Variants in FAM193B observed in about 807,000 individuals in gnomAD.
The protein encoded by FAM193B is protein FAM193B.
FAM193B carries 27 observed loss-of-function variants against 70.7 expected under a neutral mutation model. The ratio of observed to expected loss-of-function variants is 0.38; its 90% CI spans 0.28 to 0.53. FAM193B has a LOEUF of 0.53. Ranked by LOEUF, FAM193B falls within the 20% of genes least tolerant of loss-of-function variation. The probability of loss-of-function intolerance (pLI) is 0.81; values close to 1 mark genes in which losing one functional copy is unlikely to be tolerated. For synonymous variants in FAM193B, 448 were observed against 436.0 expected (o/e 1.03, Z -0.34); for missense variants, 1,022 against 1,072.5 (o/e 0.95, Z 0.66).
chr5:177,543,148 G>A lies in FAM193B; in HGVS notation c.211-4001C>T, dbSNP rs530206144. Among the ~76,000 whole-genome samples, 4 of 152,214 alleles carry A rather than the reference G, an allele frequency of 2.6e-5. No individual in the cohort carries two copies. The South Asian group carries it at 6.2e-4, about 24-fold the overall frequency. On this transcript the variant is annotated intron_variant, in intron 1 of 8. Transcript: ENST00000514747. ...TTAATGGAAATAATGTGACTCTCCC[G>A]AGAGCCAAAATGGTACACAAAATAA...
chr5:177,549,439 C>T (rs975540836), intron 1 of FAM193B, among the ~76,000 whole-genome samples: 7 of 151,984 alleles, frequency 4.6e-5, no homozygotes, highest in Non-Finnish European at 7.4e-5. Flanking sequence ...GTGATCCTCC[C>T]GCCTCGGCCT....
chr5:177,550,654 G>A (rs572248279), intron 1 of FAM193B, among the ~76,000 whole-genome samples: 1 of 152,276 alleles, frequency 6.6e-6, no homozygotes, highest in Non-Finnish European at 1.5e-5. Flanking sequence ...GGGGCTTATT[G>A]AGTGTACACT....
In FAM193B at chr5:177,549,338, G is replaced by A. The variant is rs191317798; in HGVS notation, c.210+4911C>T. Among the ~76,000 whole-genome samples, 457 of 151,978 alleles carry A rather than the reference G, an allele frequency of 3.0e-3. 2 individuals are homozygous for A. Among genetic ancestry groups the A allele is most frequent in the African/African-American group, 0.01 (434 of 41,438 alleles). The stretch of plus-strand genomic sequence containing the variant: ...CTCCAAAGTAGCTGGGACTATAGGT[G>A]CCCGCCACCATGCCCGGCTAATTTT... On this transcript the variant is annotated intron_variant, in intron 1 of 8. Coordinates refer to ENST00000514747, the MANE Select transcript of FAM193B (RefSeq NM_001190946.3).
chr5:177,534,360 G>A (rs1208559533), intron 4 of FAM193B, among the ~76,000 whole-genome samples: 5 of 147,982 alleles, frequency 3.4e-5, no homozygotes, highest in South Asian at 2.1e-4. Flanking sequence ...GCAGTGTTGC[G>A]ACCTCGGCTC....
intron 3 of FAM193B, 45 bp downstream of exon 3, chr5:177,537,828 T>C (rs751885593): frequency 1.3e-6 from 2 of 1,559,520 alleles, no homozygotes; most frequent in African/African-American, 1.4e-5. Context: ...AACACAGCTG[T>C]CCACATTTAT....
intron 3 of FAM193B, 135 bp from the exon 4 acceptor site, chr5:177,536,880 TGCA>T: frequency 2.5e-6 from 3 of 1,217,890 alleles, no homozygotes; most frequent in Non-Finnish European, 3.3e-6. Flanking sequence ...ACCCTGGAGC[TGCA>T]GAAGATTCTG....
intron 1 of FAM193B, chr5:177,553,591 G>C: frequency 1.7e-6 from 2 of 1,196,626 alleles, no homozygotes; most frequent in Non-Finnish European, 2.1e-6. Flanking sequence ...CTCTCAGCAG[G>C]ATTCTCCAAA....
chr5:177,531,955 T>C, intron 5 of FAM193B: 31 of 1,279,672 alleles, frequency 2.4e-5, no homozygotes, highest in Non-Finnish European at 3.1e-5. Context: ...CTCTTCACCT[T>C]ATGAGACTTC....
rs777687854 is a variant in FAM193B at position 177,532,407 on chromosome 5, C to T, written c.1275+36G>A. On this transcript the variant is annotated intron_variant, in intron 5 of 8. Coordinates refer to ENST00000514747, the MANE Select transcript of FAM193B (RefSeq NM_001190946.3). The surrounding 1 kb of genome is among the most constrained non-coding windows in gnomAD (Gnocchi z 4.9). ...TGCTCCTTTTGCTCACCTTGGCTGG[C>T]CCCCAGCCCTCTCTAGCCTGGGCAG... 1 of 1,583,478 alleles carries T rather than the reference C, an allele frequency of 6.3e-7. No homozygotes were observed.
In FAM193B at chr5:177,538,153, C is replaced by T. The variant is rs374356890; in HGVS notation, c.454-46G>A. 112 of 1,488,934 alleles carry T rather than the reference C, an allele frequency of 7.5e-5. No homozygotes were observed. Among genetic ancestry groups the T allele is most frequent in the Middle Eastern group, 2.3e-4 (1 of 4,376 alleles). 92.2% of individuals were successfully genotyped at this position (1,488,934 alleles called of 1,614,324 possible). A position where few individuals can be genotyped will look rare whatever the true frequency, so the allele number is the denominator to read the frequency against. On this transcript the variant is annotated intron_variant, in intron 2 of 8. Transcript: ENST00000514747. This position sits in a 1 kb window ranked among gnomAD's most constrained non-coding sequence, Gnocchi z 4.1. ...AGGCTCACGGTCAAACAGCAAACAT[C>T]GGAGCTGACCCTCTGCTGCCTCAGC... is the stretch of plus-strand genomic sequence containing the variant.
chr5:177,537,916 C>T lies in FAM193B; in HGVS notation c.645G>A (p.Gly215=). 1 of 1,602,128 alleles carries T rather than the reference C, an allele frequency of 6.2e-7. No individual in the cohort carries two copies. The highest frequency in any genetic ancestry group is 8.5e-7 in the Non-Finnish European group (1 of 1,174,460). ...SGLWNSPHSS[G]AMPGSSLGSP... ...TCCCAAGAGAGCTGCCTGGCATGGC[C>T]CCACTGGAATGTGGGGAATTCCAGA... Residue 215 remains glycine (G), a synonymous_variant, in exon 3 of 9, where the codon GGG becomes GGA. Transcript: ENST00000514747.
At chr5:177,541,665 C>T (rs1035882913) in intron 1 of FAM193B, among the ~76,000 whole-genome samples, 4 of 152,268 alleles carry the variant, frequency 2.6e-5, no homozygotes, top group African/African-American at 9.6e-5. Flanking sequence ...GTGATCCGCC[C>T]GCCTCGGCCT....
At chr5:177,553,680 T>C in intron 1 of FAM193B, 1 of 1,287,200 alleles carries the variant, frequency 7.8e-7, no homozygotes, top group South Asian at 1.2e-5. Context: ...GGTTTCCACC[T>C]CAGTGCAGAA....
At position 177,538,880 on chromosome 5, in the gene FAM193B, G is replaced by C. The variant is rs1475267298; in HGVS notation, c.453+25C>G. 1 of 1,611,592 alleles carries C rather than the reference G, an allele frequency of 6.2e-7. No individual in the cohort carries two copies. The highest frequency in any genetic ancestry group is 1.7e-5 in the Admixed American group (1 of 59,968). Reference sequence around the variant, plus strand: ...TTGGGGAGGAGCCCTCCTGCATTCAGGGACCCCTGTCAGCGGTTACCTACC... The same window carrying C: ...TTGGGGAGGAGCCCTCCTGCATTCACGGACCCCTGTCAGCGGTTACCTACC... On this transcript the variant is annotated intron_variant, in intron 2 of 8. Transcript: ENST00000514747. The surrounding 1 kb of genome is among the most constrained non-coding windows in gnomAD (Gnocchi z 4.1).
rs1762251527 is a variant in FAM193B at position 177,524,343 on chromosome 5, CCCTTCT to C, written c.2132_2137del (p.Glu711_Lys712del). 2 of 1,579,962 alleles carry C rather than the reference CCCTTCT, an allele frequency of 1.3e-6. No individual in the cohort carries two copies. The highest frequency in any genetic ancestry group is 2.7e-5 in the African/African-American group (2 of 74,016). ...GCCTGGCCAGTTTCGCCAGGAGCTG[CCCTTCT>C]CCTTCTCAGTTTTGGGACTGCCAGC... On this transcript the variant is annotated inframe_deletion, in exon 6 of 9. Coordinates refer to ENST00000514747, the MANE Select transcript of FAM193B (RefSeq NM_001190946.3).
At chr5:177,553,930 G>T in intron 1 of FAM193B, 4 of 1,226,662 alleles carry the variant, frequency 3.3e-6, no homozygotes, top group Non-Finnish European at 4.1e-6. Flanking sequence ...CGGGCCGAGA[G>T]CGGAGCTGCG....
rs934288377 is a variant in FAM193B, at chr5:177,554,437, G to A, written c.22C>T (p.Pro8Ser). 4 of 1,060,368 alleles carry A rather than the reference G, an allele frequency of 3.8e-6. No homozygotes were observed. Among genetic ancestry groups the A allele is most frequent in the Non-Finnish European group, 4.5e-6 (4 of 881,908 alleles). 65.7% of individuals were successfully genotyped at this position (1,060,368 alleles called of 1,614,324 possible). ...TCGCGCCTGCCCGCACCGCCGCTCGGCCTGCTCCGCCTCCGCGTCATGCCG... is the reference window on the plus strand; with the variant it reads ...TCGCGCCTGCCCGCACCGCCGCTCGACCTGCTCCGCCTCCGCGTCATGCCG... Reference protein sequence around the residue: MTRRRSRPSGGAGRRERA... With the variant: MTRRRSRSSGGAGRRERA... Residue 8 changes from proline (P) to serine (S), a missense_variant, in exon 1 of 9, where the codon CCG (proline) becomes TCG (serine). Physicochemically the swap from Pro to Ser is moderately conservative, Grantham distance 74. Transcript: ENST00000514747.
intron 1 of FAM193B, among the ~76,000 whole-genome samples, chr5:177,543,330 G>C (rs1014177892): frequency 6.6e-6 from 1 of 152,190 alleles, no homozygotes; most frequent in African/African-American, 2.4e-5. Context: ...CTGCCCACAG[G>C]ATTAAGTCAC....
chr5:177,534,221 C>A (rs539149560), intron 4 of FAM193B, among the ~76,000 whole-genome samples: 22 of 151,950 alleles, frequency 1.4e-4, no homozygotes, highest in Non-Finnish European at 2.9e-4. Context: ...TGGCAGGAAT[C>A]ATTATCAGTG....
Sources: gnomAD v4.1 joint callset for allele counts (sites outside exome capture counted in the v4.1 genomes callset) on GRCh38, gnomAD v4.1.1 for gene constraint, Gnocchi (gnomAD v3.1) non-coding constraint, MANE v1.5 for transcripts, NCBI Gene and HGNC (gene_info 2026-07-23, HGNC 2026-07-21) for gene names.